Variants in SPIRE1 observed in about 807,000 individuals in gnomAD.
The protein encoded by SPIRE1 is protein spire homolog 1.
Under a neutral mutation model 94.1 loss-of-function variants are expected in SPIRE1, and 40 were observed. The ratio of observed to expected loss-of-function variants is 0.43; its 90% confidence interval spans 0.33 to 0.55. The LOEUF (loss-of-function observed/expected upper bound fraction) is 0.55, where lower values mean the gene tolerates loss of function less well. SPIRE1 is among the 20% of genes least tolerant of loss of function. The probability of loss-of-function intolerance (pLI) is 0.06; values close to 1 mark genes in which losing one functional copy is unlikely to be tolerated. For synonymous variants in SPIRE1, 376 were observed against 371.7 expected (o/e 1.01, Z -0.13); for missense variants, 838 against 975.2 (o/e 0.86, Z 1.87).
chr18:12,527,982 T>C (rs1449215280), intron 4 of SPIRE1, among the ~76,000 whole-genome samples: 4 of 150,008 alleles, frequency 2.7e-5, no homozygotes, highest in Non-Finnish European at 5.9e-5. Context: ...AGGAGAATGG[T>C]GTGAACCTGG....
chr18:12,471,384 C>CTT lies in SPIRE1; in HGVS notation c.1405-6428_1405-6427dup, dbSNP rs975751031. Among the ~76,000 whole-genome samples, 927 of 137,642 alleles carry CTT rather than the reference C, an allele frequency of 6.7e-3. 5 individuals carry two copies. Among genetic ancestry groups the CTT allele is most frequent in the South Asian group, 0.027 (117 of 4,272 alleles). The allele number at this position is 137,642 out of a possible 152,430, so 90.3% of individuals were successfully genotyped here. On this transcript the variant is annotated intron_variant, in intron 10 of 16. Transcript: ENST00000409402. The stretch of plus-strand genomic sequence containing the variant: ...CAGTTAAAAAAATACTGGTTTCTTT[C>CTT]TTTTTTTTTTTTTTTTGGACACTAG...
At chr18:12,580,630 T>C (rs769358601) in intron 2 of SPIRE1, among the ~76,000 whole-genome samples, 1 of 152,194 alleles carries the variant, frequency 6.6e-6, no homozygotes, top group Admixed American at 6.5e-5. Context: ...AGCCAAGTAA[T>C]GTATTCTCTT....
intron 2 of SPIRE1, among the ~76,000 whole-genome samples, chr18:12,562,689 T>C (rs918429623): frequency 8.0e-6 from 1 of 124,952 alleles, no homozygotes; most frequent in Non-Finnish European, 1.6e-5. Flanking sequence ...TAAAAAAATT[T>C]TGTAGAGAAA....
intron 1 of SPIRE1, among the ~76,000 whole-genome samples, chr18:12,656,319 C>G (rs1362457264): frequency 2.0e-5 from 3 of 151,932 alleles, no homozygotes; most frequent in African/African-American, 7.3e-5. Flanking sequence ...ATCAAAGAAA[C>G]AAAAATACTA....
intron 10 of SPIRE1, among the ~76,000 whole-genome samples, chr18:12,469,715 T>A (rs985582050): frequency 6.9e-6 from 1 of 143,952 alleles, no homozygotes; most frequent in African/African-American, 2.5e-5. Flanking sequence ...TATAAATATA[T>A]TTATATAAAT....
At chr18:12,486,107 G>A in intron 8 of SPIRE1, 107 bp from the exon 9 acceptor site, 1 of 770,762 alleles carries the variant, frequency 1.3e-6, no homozygotes, top group Non-Finnish European at 2.1e-6. Context: ...GTGGCTACAT[G>A]TCAGACTCTA....
chr18:12,650,530 G>A (rs1171934375), intron 1 of SPIRE1, among the ~76,000 whole-genome samples: 2 of 151,930 alleles, frequency 1.3e-5, no homozygotes, highest in African/African-American at 4.8e-5. Flanking sequence ...CTAATATGGT[G>A]AAACCCCGTC....
At chr18:12,650,070 C>T (rs2038333581) in intron 1 of SPIRE1, among the ~76,000 whole-genome samples, 1 of 152,014 alleles carries the variant, frequency 6.6e-6, no homozygotes, top group African/African-American at 2.4e-5. Context: ...AAAACCCTGT[C>T]TCTACTAAAA....
chr18:12,624,776 G>C (rs2037573758), intron 2 of SPIRE1, among the ~76,000 whole-genome samples: 1 of 149,222 alleles, frequency 6.7e-6, no homozygotes, highest in East Asian at 2.0e-4. Context: ...AGGTTGCAGT[G>C]AGCCGAGATC....
At chr18:12,465,504 T>C (rs1325188592) in intron 10 of SPIRE1, among the ~76,000 whole-genome samples, 3 of 152,174 alleles carry the variant, frequency 2.0e-5, no homozygotes, top group African/African-American at 7.2e-5. Context: ...GTATTTAATA[T>C]CACTTTTTCC....
chr18:12,619,269 T>C (rs2037395450), intron 2 of SPIRE1, among the ~76,000 whole-genome samples: 1 of 152,110 alleles, frequency 6.6e-6, no homozygotes, highest in African/African-American at 2.4e-5. Flanking sequence ...CTCAGCACTT[T>C]AGGAGGCCAA....
chr18:12,494,431 T>G (rs906235768), intron 7 of SPIRE1, among the ~76,000 whole-genome samples: 1 of 151,940 alleles, frequency 6.6e-6, no homozygotes, highest in Non-Finnish European at 1.5e-5. Flanking sequence ...TGACCTACCA[T>G]CCTACCATGA....
chr18:12,648,890 C>CAAAAAAAAA (rs56696562), intron 1 of SPIRE1, among the ~76,000 whole-genome samples: 2 of 85,518 alleles, frequency 2.3e-5, no homozygotes, highest in Non-Finnish European at 4.4e-5. Context: ...AACTCCGTCT[C>CAAAAAAAAA]AAAAAAAAAA....
chr18:12,644,098 C>T (rs9951311), intron 1 of SPIRE1, among the ~76,000 whole-genome samples: 74 of 147,550 alleles, frequency 5.0e-4, no homozygotes, highest in African/African-American at 1.7e-3. Flanking sequence ...ACTTGGGAGG[C>T]TGAGGAGGGA....
intron 1 of SPIRE1, among the ~76,000 whole-genome samples, chr18:12,641,140 C>T (rs528352231): frequency 6.6e-6 from 1 of 152,278 alleles, no homozygotes; most frequent in East Asian, 1.9e-4. Context: ...ACATCCTGAA[C>T]ATGCTCCATG....
At chr18:12,550,486 C>T (rs1419966443) in intron 2 of SPIRE1, among the ~76,000 whole-genome samples, 1 of 152,062 alleles carries the variant, frequency 6.6e-6, no homozygotes, top group Non-Finnish European at 1.5e-5. Context: ...GCCTCTGCCT[C>T]CTGAGTAGCT....
At chr18:12,633,771 T>TTGGG (rs1236867347) in intron 2 of SPIRE1, among the ~76,000 whole-genome samples, 3 of 152,110 alleles carry the variant, frequency 2.0e-5, no homozygotes, top group Non-Finnish European at 4.4e-5. Context: ...AATCCTTTAT[T>TTGGG]TGGGCATTGC....
intron 2 of SPIRE1, among the ~76,000 whole-genome samples, chr18:12,629,419 C>T (rs1221457253): frequency 6.6e-6 from 1 of 152,040 alleles, no homozygotes; most frequent in Admixed American, 6.6e-5. Context: ...TAAAAGCTAC[C>T]CTTAAATCTG....
At position 12,653,951 on chromosome 18, in the gene SPIRE1, A is replaced by C. The variant is rs367912598; in HGVS notation, c.337+3579T>G. Among the ~76,000 whole-genome samples the C allele has an allele frequency of 2.6e-5, 4 of 151,774 alleles. No individual in the cohort carries two copies. In the South Asian group the frequency reaches 6.2e-4, roughly 24 times the overall value. ...ACAAGAGCAAAACTCCGTCTCAAAA[A>C]AAAAAAAGAAAGAAAGAAACAGAAA... On this transcript the variant is annotated intron_variant, in intron 1 of 16. Transcript: ENST00000409402.
Sources: gnomAD v4.1 joint callset for allele counts (sites outside exome capture counted in the v4.1 genomes callset) on GRCh38, gnomAD v4.1.1 for gene constraint, MANE v1.5 for transcripts, NCBI Gene and HGNC (gene_info 2026-07-23, HGNC 2026-07-21) for gene names.